Variants in SRBD1 observed in about 807,000 individuals in gnomAD.
The protein encoded by SRBD1 is S1 RNA binding domain 1.
In SRBD1, 88 loss-of-function variants were observed where a neutral mutation model predicts 115.3. The observed-to-expected ratio is 0.76, with a 90% CI of 0.64 to 0.91. The LOEUF is 0.91. SRBD1 is among the 40% of genes least tolerant of loss of function. SRBD1 has a pLI of 0.00. For missense variants in SRBD1, 1,385 were observed against 1,177.4 expected (o/e 1.18, Z -2.58); for synonymous variants, 509 against 407.7 (o/e 1.25, Z -2.99).
At chr2:45,396,123 T>C (rs1303240725) in intron 19 of SRBD1, among the ~76,000 whole-genome samples, 1 of 151,818 alleles carries the variant, frequency 6.6e-6, no homozygotes, top group South Asian at 2.1e-4. Flanking sequence ...TATCATATCA[T>C]ACAGAAAAAA....
chr2:45,582,258 T>C (rs1673388653), intron 5 of SRBD1, among the ~76,000 whole-genome samples: 1 of 152,212 alleles, frequency 6.6e-6, no homozygotes, highest in African/African-American at 2.4e-5. Context: ...AGTTATTTTG[T>C]AGAATGTCCT....
At chr2:45,475,404 A>T (rs1465368499) in intron 16 of SRBD1, among the ~76,000 whole-genome samples, 1 of 152,186 alleles carries the variant, frequency 6.6e-6, no homozygotes, top group Non-Finnish European at 1.5e-5. Context: ...TAAAAATATA[A>T]ATCAGATTGT....
intron 15 of SRBD1, among the ~76,000 whole-genome samples, chr2:45,487,666 T>G (rs982097766): frequency 1.3e-5 from 2 of 152,032 alleles, no homozygotes; most frequent in African/African-American, 4.8e-5. Context: ...ATTACTAGTA[T>G]TATTATTTGA....
intron 19 of SRBD1, among the ~76,000 whole-genome samples, chr2:45,405,662 A>G (rs558828683): frequency 6.6e-6 from 1 of 152,304 alleles, no homozygotes; most frequent in Admixed American, 6.5e-5. Context: ...ATATACATCT[A>G]CAGGGCCAGA....
chr2:45,430,348 C>G (rs1268325156), intron 16 of SRBD1, among the ~76,000 whole-genome samples: 1 of 152,056 alleles, frequency 6.6e-6, no homozygotes, highest in African/African-American at 2.4e-5. Context: ...TAATCCTAAG[C>G]AAAAAGAACA....
intron 10 of SRBD1, among the ~76,000 whole-genome samples, chr2:45,557,377 C>A (rs1352276101): frequency 2.0e-5 from 3 of 152,184 alleles, no homozygotes; most frequent in Non-Finnish European, 4.4e-5. Context: ...GCCCTTTAAG[C>A]CACTGCTTGC....
chr2:45,540,940 C>T (rs1294617520), intron 14 of SRBD1, among the ~76,000 whole-genome samples: 1 of 152,260 alleles, frequency 6.6e-6, no homozygotes, highest in African/African-American at 2.4e-5. Context: ...TAGGGTGTCA[C>T]TTTTCCAGCC....
intron 14 of SRBD1, among the ~76,000 whole-genome samples, chr2:45,545,724 C>T (rs1672095881): frequency 6.6e-6 from 1 of 152,214 alleles, no homozygotes; most frequent in African/African-American, 2.4e-5. Context: ...CTGTTTCCTT[C>T]TTGAATCATG....
chr2:45,553,790 G>T (rs569442198), intron 10 of SRBD1, 60 bp from the exon 11 acceptor site: 8 of 1,135,408 alleles, frequency 7.0e-6, no homozygotes, highest in South Asian at 4.0e-5. Flanking sequence ...CCATAAAAAG[G>T]CTCCCAAAAA....
At chr2:45,534,781 T>C (rs1671716962) in intron 14 of SRBD1, among the ~76,000 whole-genome samples, 1 of 151,968 alleles carries the variant, frequency 6.6e-6, no homozygotes, top group African/African-American at 2.4e-5. Flanking sequence ...TGAACTTACA[T>C]AGCTAAATAG....
intron 14 of SRBD1, among the ~76,000 whole-genome samples, chr2:45,532,870 T>C (rs1671655407): frequency 1.3e-5 from 2 of 152,038 alleles, no homozygotes; most frequent in Admixed American, 1.3e-4. Flanking sequence ...TTTTCAACTA[T>C]CAATTTCTGG....
intron 14 of SRBD1, among the ~76,000 whole-genome samples, chr2:45,504,104 T>G (rs1236615094): frequency 2.0e-5 from 3 of 152,320 alleles, no homozygotes; most frequent in African/African-American, 7.2e-5. Flanking sequence ...TAAAAGCCAT[T>G]AGTCCTCATT....
chr2:45,521,469 A>G (rs1671281619), intron 14 of SRBD1, among the ~76,000 whole-genome samples: 1 of 152,140 alleles, frequency 6.6e-6, no homozygotes, highest in Admixed American at 6.5e-5. Context: ...CTGCACCCCT[A>G]CTAGATGTCT....
intron 14 of SRBD1, among the ~76,000 whole-genome samples, chr2:45,540,375 C>T (rs969518671): frequency 1.3e-5 from 2 of 150,488 alleles, no homozygotes; most frequent in Non-Finnish European, 3.0e-5. Flanking sequence ...GAGTGGATGT[C>T]AATTCTCCAA....
Position 45,581,793 on chromosome 2 carries a change from A to G in SRBD1, c.833T>C (p.Val278Ala), listed in dbSNP as rs989918284. The change falls in exon 6 of 21, where the codon GTT becomes GCT. Residue 278 changes from valine (V) to alanine (A), a missense_variant. Physicochemically the swap from Val to Ala is moderately conservative, Grantham distance 64. Transcript: ENST00000263736. ...CTTAATTTTCTGGATTGTACTATGA[A>G]CTTTCTTTGCAACAGCCCTGAAAAG... ...LEELRAVAKK[V>A]HSTIQKIKKE... 1.9e-6 allele frequency: 3 copies of G among 1,612,766 alleles called. No individual in the cohort carries two copies. The highest frequency in any genetic ancestry group is 2.5e-6 in the Non-Finnish European group (3 of 1,179,554).
At chr2:45,568,996 A>T (rs1672923039) in intron 9 of SRBD1, among the ~76,000 whole-genome samples, 1 of 152,238 alleles carries the variant, frequency 6.6e-6, no homozygotes, top group Non-Finnish European at 1.5e-5. Flanking sequence ...TGACAATTTT[A>T]GATATAATAG....
intron 16 of SRBD1, among the ~76,000 whole-genome samples, chr2:45,444,900 A>G (rs528675458): frequency 6.6e-6 from 1 of 152,318 alleles, no homozygotes; most frequent in Non-Finnish European, 1.5e-5. Context: ...AAGCCTTCAG[A>G]AGTCAGTCAG....
At chr2:45,518,585 G>C (rs577717688) in intron 14 of SRBD1, among the ~76,000 whole-genome samples, 6 of 152,160 alleles carry the variant, frequency 3.9e-5, no homozygotes, top group Non-Finnish European at 7.3e-5. Flanking sequence ...CATGACTAAG[G>C]ACAAGTCGGT....
intron 8 of SRBD1, among the ~76,000 whole-genome samples, chr2:45,573,667 T>C (rs2104151690): frequency 6.6e-6 from 1 of 152,290 alleles, no homozygotes; most frequent in South Asian, 2.1e-4. Flanking sequence ...AATATCAGAC[T>C]TTTCTAATCA....
Sources: allele counts gnomAD v4.1 joint callset (sites outside exome capture counted in the v4.1 genomes callset), GRCh38; gene constraint gnomAD v4.1.1; transcripts MANE v1.5; gene names NCBI Gene and HGNC (gene_info 2026-07-23, HGNC 2026-07-21).